SGSM3: variants seen among roughly 807,000 people sequenced by gnomAD.
The protein encoded by SGSM3 is small G protein signaling modulator 3.
In SGSM3, 96 loss-of-function variants were observed where a neutral mutation model predicts 100.5. The ratio of observed to expected loss-of-function variants is 0.96; its 90% CI spans 0.81 to 1.13. The LOEUF (loss-of-function observed/expected upper bound fraction) is 1.13. SGSM3 is among the 50% of genes most tolerant of loss of function. SGSM3 has a pLI of 0.00. For synonymous variants in SGSM3, 483 were observed against 422.8 expected, an observed-to-expected ratio of 1.14 and a Z score of -1.75; for missense variants, 1,001 against 1,015.8, an observed-to-expected ratio of 0.99 and a Z score of 0.20.
intron 21 of SGSM3, 78 bp downstream of exon 21, chr22:40,409,603 C>G (rs573513550): frequency 5.0e-6 from 8 of 1,613,446 alleles, no homozygotes; most frequent in South Asian, 1.1e-5. Flanking sequence ...GGTGGGAACC[C>G]GAAGTGCTGG....
At position 40,407,949 on chromosome 22, in the gene SGSM3, C is replaced by T. The variant is rs977550725; in HGVS notation, c.1579+106C>T. ...CAAGCTGTTCTCCTCTATACACCTG[C>T]CTGGCTTGAGGTCCCTGAAGCAGCT... On this transcript the variant is annotated intron_variant, in intron 14 of 21. Transcript: ENST00000248929. This position sits in a 1 kb window ranked among gnomAD's most constrained non-coding sequence, Gnocchi z 4.7. 2 of 1,452,884 alleles carry T rather than the reference C, an allele frequency of 1.4e-6. No individual in the cohort carries two copies. The highest frequency in any genetic ancestry group is 1.4e-5 in the African/African-American group (1 of 71,274). 90.0% of individuals were successfully genotyped at this position (1,452,884 alleles called of 1,614,324 possible).
rs756385631 is a variant in SGSM3, at chr22:40,407,206, G to A, written c.1246G>A (p.Asp416Asn). 3.1e-6 allele frequency: 5 copies of A among 1,613,640 alleles called. No homozygotes were observed. In the South Asian group the frequency reaches 5.5e-5, roughly 18 times the overall value. The part of the protein sequence containing the change: ...STITALLFGE[D>N]DLEALKAKNI... Reference sequence around the variant, plus strand: ...TGGTTCTCTGGGCCTCCTAGGGGAGGATGACCTGGAGGCACTCAAGGCCAA... The same window carrying A: ...TGGTTCTCTGGGCCTCCTAGGGGAGAATGACCTGGAGGCACTCAAGGCCAA... The change falls in exon 12 of 22, where the codon GAT (aspartate) becomes AAT (asparagine). Residue 416 changes from aspartate (D) to asparagine (N), a missense_variant. Physicochemically the swap from Asp to Asn is conservative, Grantham distance 23. Transcript: ENST00000248929. The surrounding 1 kb of genome is among the most constrained non-coding windows in gnomAD (Gnocchi z 4.7).
intron 1 of SGSM3, chr22:40,378,219 C>G (rs1203252051): frequency 1.3e-5 from 2 of 151,790 alleles, no homozygotes; most frequent in Non-Finnish European, 2.9e-5. Context: ...CGCTTGAGGC[C>G]AAGAGTTTGA....
In SGSM3 at chr22:40,408,823, C is replaced by T. The variant is rs765435214; in HGVS notation, c.1883C>T (p.Pro628Leu). The T allele has an allele frequency of 1.3e-5, 21 of 1,613,658 alleles. No individual in the cohort carries two copies. The highest frequency in any genetic ancestry group is 4.5e-5 in the East Asian group (2 of 44,878). ...GATGAAGATGGCAAAGTCCTGACCCCGGAGGAGCTGCTCTACCGGGTAAGG... is the reference window on the plus strand; with the variant it reads ...GATGAAGATGGCAAAGTCCTGACCCTGGAGGAGCTGCTCTACCGGGTAAGG... Reference protein sequence around the residue: ...RLDEDGKVLTPEELLYRAVQS... With the variant: ...RLDEDGKVLTLEELLYRAVQS... The change falls in exon 18 of 22, where the codon CCG (proline) becomes CTG (leucine). Residue 628 changes from proline to leucine, a missense_variant. By Grantham distance (98) the Pro-to-Leu change is moderately conservative (BLOSUM62 -3). Coordinates refer to ENST00000248929, the MANE Select transcript of SGSM3 (RefSeq NM_015705.6).
chr22:40,383,311 T>G (rs963778170), intron 1 of SGSM3, among the ~76,000 whole-genome samples: 1 of 151,566 alleles, frequency 6.6e-6, no homozygotes, highest in Non-Finnish European at 1.5e-5. Flanking sequence ...ACTAAAAATA[T>G]AAAAAATTAG....
In SGSM3 at chr22:40,407,566, A is replaced by G; in HGVS notation, c.1522A>G (p.Thr508Ala). Residue 508 changes from threonine to alanine, a missense_variant and splice_region_variant, in exon 13 of 22, where the codon ACA (threonine) becomes GCA (alanine). Thr to Ala is a moderately conservative substitution (Grantham distance 58, BLOSUM62 0). Transcript: ENST00000248929. The surrounding 1 kb of genome is among the most constrained non-coding windows in gnomAD (Gnocchi z 4.7). ...ELGFRKNDII[T>A]IVSQKDEHCW... is the part of the protein sequence containing the mutation. ...GGGCTTCCGCAAGAACGACATCATCACAGTGCGTGGGGGCGCTGGACTACC... is the reference window on the plus strand; with the variant it reads ...GGGCTTCCGCAAGAACGACATCATCGCAGTGCGTGGGGGCGCTGGACTACC... 6.2e-7 allele frequency: 1 copy of G among 1,602,850 alleles called. No homozygotes were observed. Among genetic ancestry groups the G allele is most frequent in the East Asian group, 2.2e-5 (1 of 44,862 alleles).
intron 21 of SGSM3, 43 bp from the exon 22 acceptor site, chr22:40,409,639 C>A: frequency 6.2e-7 from 1 of 1,613,388 alleles, no homozygotes. Flanking sequence ...ACTACCCCAG[C>A]CATGCCCAAG....
At chr22:40,383,130 T>C (rs1336756056) in intron 1 of SGSM3, among the ~76,000 whole-genome samples, 1 of 152,174 alleles carries the variant, frequency 6.6e-6, no homozygotes, top group Non-Finnish European at 1.5e-5. Flanking sequence ...TGAAGAGCTT[T>C]CAGTTTATAG....
chr22:40,409,301 C>T lies in SGSM3; in HGVS notation c.2040C>T (p.Thr680=), dbSNP rs138537467. 1.2e-3 allele frequency: 1,982 copies of T among 1,612,952 alleles called. 2 individuals are homozygous for T. The highest frequency in any genetic ancestry group is 1.5e-3 in the Non-Finnish European group (1,752 of 1,179,896). The change falls in exon 20 of 22, where the codon ACC becomes ACT. Residue 680 remains threonine (T), a synonymous_variant. Transcript: ENST00000248929. The part of the protein sequence containing the change: ...WLEVLCSSLP[T]VEKWYQPWSF... ...AGGTGCTCTGCTCCAGCCTGCCCAC[C>T]GTGGAGAAGTGGTACCAGCCCTGGT...
At chr22:40,397,049 G>T (rs964393583) in intron 1 of SGSM3, among the ~76,000 whole-genome samples, 2 of 152,132 alleles carry the variant, frequency 1.3e-5, no homozygotes, top group Admixed American at 1.3e-4. Flanking sequence ...CCACCCTGAC[G>T]TGGCTAACTC....
rs1357683319 is a variant in SGSM3 at position 40,407,511 on chromosome 22, G to A, written c.1467G>A (p.Leu489=). ...RSHRRRAKAL[L]DFERHDDDEL... is the part of the protein sequence containing the mutation. Reference sequence around the variant, plus strand: ...ACCGGCGCCGAGCCAAGGCCCTGCTGGACTTTGAGCGGCACGACGACGACG... The same window carrying A: ...ACCGGCGCCGAGCCAAGGCCCTGCTAGACTTTGAGCGGCACGACGACGACG... The change falls in exon 13 of 22, where the codon CTG becomes CTA. Residue 489 remains leucine, a synonymous_variant. Coordinates refer to ENST00000248929, the MANE Select transcript of SGSM3 (RefSeq NM_015705.6). The surrounding 1 kb of genome is among the most constrained non-coding windows in gnomAD (Gnocchi z 4.7). 6.2e-7 allele frequency: 1 copy of A among 1,609,970 alleles called. No individual in the cohort carries two copies. Among genetic ancestry groups the A allele is most frequent in the African/African-American group, 1.3e-5 (1 of 74,942 alleles).
At chr22:40,406,756 C>A in intron 10 of SGSM3, 94 bp downstream of exon 10, 1 of 1,100,672 alleles carries the variant, frequency 9.1e-7, no homozygotes, top group Non-Finnish European at 1.3e-6. Flanking sequence ...GGAAAACAAA[C>A]CAGCCCTTCC....
intron 21 of SGSM3, 68 bp from the exon 22 acceptor site, chr22:40,409,614 T>C (rs1482798872): frequency 1.2e-6 from 2 of 1,613,260 alleles, no homozygotes; most frequent in Admixed American, 1.7e-5. Context: ...GAAGTGCTGG[T>C]GTCAGCGGTT....
rs776818204 is a variant in SGSM3, at chr22:40,408,309, G to A, written c.1662G>A (p.Glu554=). The change falls in exon 16 of 22, where the codon GAG becomes GAA. Residue 554 remains glutamate, a synonymous_variant. Coordinates refer to ENST00000248929, the MANE Select transcript of SGSM3 (RefSeq NM_015705.6). ...TCGCGGGGGATGACTCGGTGACGGA[G>A]GGGGTCACAGACCTCGTGCGAGGGA... ...YSIAGDDSVT[E]GVTDLVRGTL... 2 of 1,613,596 alleles carry A rather than the reference G, an allele frequency of 1.2e-6. No individual in the cohort carries two copies. The highest frequency in any genetic ancestry group is 1.7e-5 in the Admixed American group (1 of 60,026).
chr22:40,400,919 G>T (rs2050666870), intron 2 of SGSM3, 106 bp downstream of exon 2: 1 of 1,114,528 alleles, frequency 9.0e-7, no homozygotes, highest in African/African-American at 1.6e-5. Context: ...AGATAAGAGA[G>T]GTGGAGATGG....
chr22:40,387,299 T>A (rs1444836172), intron 1 of SGSM3: 3 of 398,268 alleles, frequency 7.5e-6, no homozygotes, highest in Non-Finnish European at 1.3e-5. Context: ...TATAGTGTAG[T>A]ATAATTACCA....
At chr22:40,401,413 A>G (rs2050743660) in intron 2 of SGSM3, among the ~76,000 whole-genome samples, 180 bp from the exon 3 acceptor site, 1 of 151,930 alleles carries the variant, frequency 6.6e-6, no homozygotes, top group Admixed American at 6.6e-5. Flanking sequence ...ACGCCCAGCT[A>G]ATTTTGTATT....
chr22:40,385,660 G>A (rs923136130), intron 1 of SGSM3, among the ~76,000 whole-genome samples: 2 of 152,168 alleles, frequency 1.3e-5, no homozygotes, highest in Non-Finnish European at 2.9e-5. Flanking sequence ...CTCAGCTGGG[G>A]GTGAGTGGCA....
chr22:40,407,718 A>G lies in SGSM3; in HGVS notation c.1525-71A>G, dbSNP rs2051806478. ...GGCCTGGCCTAGTTGCTGAGGAGTCATATCGGGGGTGCAGGAGGCGCTGGC... is the reference window on the plus strand; with the variant it reads ...GGCCTGGCCTAGTTGCTGAGGAGTCGTATCGGGGGTGCAGGAGGCGCTGGC... On this transcript the variant is annotated intron_variant, in intron 13 of 21. Coordinates refer to ENST00000248929, the MANE Select transcript of SGSM3 (RefSeq NM_015705.6). This position sits in a 1 kb window ranked among gnomAD's most constrained non-coding sequence, Gnocchi z 4.7. 2.5e-6 allele frequency: 4 copies of G among 1,590,010 alleles called. No homozygotes were observed. The highest frequency in any genetic ancestry group is 4.5e-5 in the East Asian group (2 of 44,784).
Sources: allele counts gnomAD v4.1 joint callset (sites outside exome capture counted in the v4.1 genomes callset), GRCh38; gene constraint gnomAD v4.1.1; non-coding constraint Gnocchi (gnomAD v3.1); transcripts MANE v1.5; gene names NCBI Gene and HGNC (gene_info 2026-07-23, HGNC 2026-07-21).